Variants in CALN1 observed in about 807,000 individuals in gnomAD.
CALN1 encodes the protein calneuron 1.
A neutral mutation model predicts 30.6 loss-of-function variants in CALN1; 17 were observed. The observed-to-expected ratio is 0.56, with a 90% CI of 0.38 to 0.83. The LOEUF (loss-of-function observed/expected upper bound fraction) is 0.83, where lower values mean the gene tolerates loss of function less well. Among genes scored for constraint, CALN1 ranks in the 40% least tolerant of loss-of-function variants. CALN1 has a pLI of 0.00. For missense variants in CALN1, 291 were observed against 354.9 expected, an observed-to-expected ratio of 0.82 and a Z score of 1.45; for synonymous variants, 156 against 131.4, an observed-to-expected ratio of 1.19 and a Z score of -1.28.
intron 5 of CALN1, among the ~76,000 whole-genome samples, chr7:71,847,072 G>C (rs1172034549): frequency 6.6e-6 from 1 of 151,654 alleles, no homozygotes; most frequent in Non-Finnish European, 1.5e-5. Flanking sequence ...AGACCCAAGA[G>C]AGCTGATGGT....
intron 4 of CALN1, among the ~76,000 whole-genome samples, chr7:72,050,572 C>T (rs1354292923): frequency 6.6e-6 from 1 of 152,146 alleles, no homozygotes; most frequent in African/African-American, 2.4e-5. Flanking sequence ...ATGGAAAACA[C>T]TCTCCTGATC....
chr7:72,078,607 G>A (rs765819385), intron 4 of CALN1, among the ~76,000 whole-genome samples: 7 of 152,250 alleles, frequency 4.6e-5, no homozygotes, highest in East Asian at 1.9e-4. Context: ...GAGAGGAACC[G>A]AGAAGGGCCC....
At chr7:72,085,524 T>C (rs1805428988) in intron 4 of CALN1, among the ~76,000 whole-genome samples, 1 of 152,190 alleles carries the variant, frequency 6.6e-6, no homozygotes, top group African/African-American at 2.4e-5. Context: ...TATACAGGGT[T>C]TGGTATTATG....
intron 2 of CALN1, among the ~76,000 whole-genome samples, chr7:72,295,559 T>C (rs1426205601): frequency 1.4e-5 from 2 of 147,474 alleles, no homozygotes; most frequent in African/African-American, 5.1e-5. Context: ...TTTGTAGTTC[T>C]CCTTGAAGAG....
At chr7:71,912,694 G>C (rs575681746) in intron 5 of CALN1, among the ~76,000 whole-genome samples, 28 of 152,316 alleles carry the variant, frequency 1.8e-4, no homozygotes, top group African/African-American at 5.5e-4. Context: ...AGTTATGACT[G>C]CACAACCTGA....
At chr7:71,957,588 T>C (rs914039070) in intron 5 of CALN1, among the ~76,000 whole-genome samples, 1 of 152,184 alleles carries the variant, frequency 6.6e-6, no homozygotes, top group Non-Finnish European at 1.5e-5. Context: ...GGCAAATCTC[T>C]TAAGTAACTT....
chr7:72,225,818 G>C (rs1451788001), intron 3 of CALN1, among the ~76,000 whole-genome samples: 2 of 152,116 alleles, frequency 1.3e-5, no homozygotes, highest in Non-Finnish European at 2.9e-5. Context: ...TGCAGGGAAA[G>C]AAATAGCAGT....
intron 5 of CALN1, among the ~76,000 whole-genome samples, chr7:71,976,275 G>C (rs1215157029): frequency 6.6e-6 from 1 of 152,158 alleles, no homozygotes; most frequent in African/African-American, 2.4e-5. Flanking sequence ...ACATCCCCAA[G>C]CAGGGTGGAC....
intron 4 of CALN1, among the ~76,000 whole-genome samples, chr7:72,043,232 C>T (rs1227473004): frequency 6.6e-6 from 1 of 152,098 alleles, no homozygotes; most frequent in Admixed American, 6.6e-5. Flanking sequence ...AGCAGGCTCT[C>T]CTAGTTCCTG....
chr7:72,129,309 A>T (rs1190401611), intron 3 of CALN1, among the ~76,000 whole-genome samples: 1 of 152,172 alleles, frequency 6.6e-6, no homozygotes, highest in Non-Finnish European at 1.5e-5. Context: ...TTTGACGTGC[A>T]ATTTGGCAAT....
intron 3 of CALN1, among the ~76,000 whole-genome samples, chr7:72,230,973 T>A (rs984358704): frequency 6.6e-6 from 1 of 152,160 alleles, no homozygotes; most frequent in African/African-American, 2.4e-5. Flanking sequence ...CCAAGGAGCG[T>A]GATGAAATCT....
intron 5 of CALN1, among the ~76,000 whole-genome samples, chr7:71,994,097 A>G (rs1224693873): frequency 6.6e-5 from 10 of 152,198 alleles, no homozygotes; most frequent in African/African-American, 2.2e-4. Context: ...CCCCTACTAT[A>G]AAAATTTTTA....
intron 3 of CALN1, among the ~76,000 whole-genome samples, chr7:72,241,503 T>C (rs939573726): frequency 2.0e-5 from 3 of 152,052 alleles, no homozygotes; most frequent in Non-Finnish European, 2.9e-5. Context: ...GGTCAGGAGT[T>C]CGAGAGCAGC....
chr7:72,093,655 G>T (rs1419812421), intron 4 of CALN1, among the ~76,000 whole-genome samples: 1 of 152,150 alleles, frequency 6.6e-6, no homozygotes, highest in Admixed American at 6.6e-5. Context: ...AGCTGGGATG[G>T]CTGCTTCTGA....
intron 2 of CALN1, among the ~76,000 whole-genome samples, chr7:72,334,512 C>G (rs1299033641): frequency 6.6e-6 from 1 of 152,114 alleles, no homozygotes; most frequent in Non-Finnish European, 1.5e-5. Flanking sequence ...TCATCCACCC[C>G]TCAACCTGTA....
At chr7:72,202,118 A>C (rs1317577798) in intron 3 of CALN1, among the ~76,000 whole-genome samples, 1 of 152,218 alleles carries the variant, frequency 6.6e-6, no homozygotes, top group Non-Finnish European at 1.5e-5. Flanking sequence ...AAATGGAAGG[A>C]GATAAAAAGG....
At chr7:72,229,057 A>C (rs766630730) in intron 3 of CALN1, among the ~76,000 whole-genome samples, 6 of 151,384 alleles carry the variant, frequency 4.0e-5, no homozygotes, top group Non-Finnish European at 7.4e-5. Context: ...GGGCCACCAC[A>C]CCCAGCCCAT....
intron 3 of CALN1, among the ~76,000 whole-genome samples, chr7:72,216,126 T>C (rs900672425): frequency 1.3e-5 from 2 of 151,984 alleles, no homozygotes; most frequent in Non-Finnish European, 2.9e-5. Flanking sequence ...ACCTTAAATA[T>C]CACTGGGGCT....
At chr7:72,118,554 G>A (rs962002609) in intron 3 of CALN1, among the ~76,000 whole-genome samples, 1 of 152,200 alleles carries the variant, frequency 6.6e-6, no homozygotes, top group African/African-American at 2.4e-5. Context: ...AGCATGCCAG[G>A]TAGGTTAAAG....
Sources: gnomAD v4.1 joint callset for allele counts (sites outside exome capture counted in the v4.1 genomes callset) on GRCh38, gnomAD v4.1.1 for gene constraint, MANE v1.5 for transcripts, NCBI Gene and HGNC (gene_info 2026-07-23, HGNC 2026-07-21) for gene names.